The following SLC35F3 variants were observed in gnomAD, a reference collection of about 807,000 sequenced individuals.
SLC35F3 encodes putative thiamine transporter SLC35F3.
SLC35F3 carries 25 observed loss-of-function variants against 49.9 expected under a neutral mutation model. That is an observed-to-expected ratio of 0.50 (90% CI 0.37 to 0.70). The LOEUF is 0.70. Among genes scored for constraint, SLC35F3 ranks in the 30% least tolerant of loss-of-function variants. SLC35F3 has a pLI of 0.00. For missense variants in SLC35F3, 525 were observed against 639.8 expected, an observed-to-expected ratio of 0.82 and a Z score of 1.94; for synonymous variants, 275 against 265.4, an observed-to-expected ratio of 1.04 and a Z score of -0.35.
At chr1:234,199,457 G>A (rs887215968) in intron 2 of SLC35F3, among the ~76,000 whole-genome samples, 8 of 152,132 alleles carry the variant, frequency 5.3e-5, no homozygotes, top group Non-Finnish European at 1.0e-4. Context: ...GAATGAAATT[G>A]GACCTTATCT....
At chr1:234,167,344 A>T (rs975466415) in intron 2 of SLC35F3, among the ~76,000 whole-genome samples, 1 of 152,152 alleles carries the variant, frequency 6.6e-6, no homozygotes, top group African/African-American at 2.4e-5. Flanking sequence ...GGAAATGCCT[A>T]AGGCCCCACA....
chr1:234,034,738 G>A (rs1664116203), intron 2 of SLC35F3, among the ~76,000 whole-genome samples: 1 of 152,166 alleles, frequency 6.6e-6, no homozygotes, highest in Admixed American at 6.5e-5. Flanking sequence ...GGCCAGGCTA[G>A]TCTCGAACTC....
chr1:234,134,056 G>C (rs762521434), intron 2 of SLC35F3, among the ~76,000 whole-genome samples: 1 of 152,144 alleles, frequency 6.6e-6, no homozygotes, highest in African/African-American at 2.4e-5. Context: ...CATGAAAATA[G>C]CAAGATAAGT....
intron 2 of SLC35F3, among the ~76,000 whole-genome samples, chr1:234,023,489 A>C (rs1049703514): frequency 3.9e-5 from 6 of 152,218 alleles, no homozygotes; most frequent in African/African-American, 1.4e-4. Flanking sequence ...CTGATGTAAA[A>C]AATAAGTGAA....
chr1:233,991,778 T>A (rs1663358733), intron 2 of SLC35F3, among the ~76,000 whole-genome samples: 1 of 152,196 alleles, frequency 6.6e-6, no homozygotes. Context: ...GGACTAAGTT[T>A]TGCCTCCAGC....
At chr1:234,159,526 G>A (rs979085891) in intron 2 of SLC35F3, among the ~76,000 whole-genome samples, 2 of 149,500 alleles carry the variant, frequency 1.3e-5, no homozygotes, top group African/African-American at 2.5e-5. Context: ...GCAGTGAGCC[G>A]AGATCACACC....
chr1:234,308,447 G>T (rs887444068), intron 3 of SLC35F3, among the ~76,000 whole-genome samples: 2 of 151,876 alleles, frequency 1.3e-5, no homozygotes, highest in Non-Finnish European at 2.9e-5. Flanking sequence ...AACATTATGA[G>T]ATTTTTTTTT....
chr1:233,970,434 G>T (rs1662973684), intron 2 of SLC35F3, among the ~76,000 whole-genome samples: 1 of 152,176 alleles, frequency 6.6e-6, no homozygotes, highest in Non-Finnish European at 1.5e-5. Context: ...TGCCAGACTG[G>T]GTTAAGATTT....
chr1:233,970,384 A>G (rs1662973029), intron 2 of SLC35F3, among the ~76,000 whole-genome samples: 1 of 152,344 alleles, frequency 6.6e-6, no homozygotes, highest in Middle Eastern at 3.4e-3. Context: ...CCTGTGCCTG[A>G]TGCAGATAAT....
intron 2 of SLC35F3, among the ~76,000 whole-genome samples, chr1:233,966,927 T>C (rs1662914464): frequency 2.0e-5 from 3 of 152,310 alleles, no homozygotes; most frequent in Non-Finnish European, 2.9e-5. Context: ...GTGTGAGATA[T>C]TACTGGTATT....
intron 2 of SLC35F3, among the ~76,000 whole-genome samples, chr1:233,991,580 C>G (rs1271838200): frequency 6.6e-6 from 1 of 152,158 alleles, no homozygotes; most frequent in East Asian, 1.9e-4. Flanking sequence ...AAGCGATGAA[C>G]TTTGCCAGCT....
At chr1:234,171,100 G>A (rs371913163) in intron 2 of SLC35F3, among the ~76,000 whole-genome samples, 17 of 152,298 alleles carry the variant, frequency 1.1e-4, no homozygotes, top group South Asian at 8.3e-4. Flanking sequence ...GTTTGGTCCT[G>A]AAACCACCAG....
rs10495346 is a variant in SLC35F3, at chr1:234,322,728, G to T, written c.1238-280G>T. On this transcript the variant is annotated intron_variant, in intron 7 of 7. Coordinates refer to ENST00000366618, the MANE Select transcript of SLC35F3 (RefSeq NM_173508.4). ...CTCCTCAACTGCCCTTCATTCACTT[G>T]TTTTAATCACATAAATCAATGTTTG... Among the ~76,000 whole-genome samples, 16,219 of 150,996 alleles carry T rather than the reference G, an allele frequency of 0.11. 976 individuals carry two copies. The highest frequency in any genetic ancestry group is 0.15 in the African/African-American group (6,164 of 40,982).
At chr1:233,978,271 A>G (rs1213366484) in intron 2 of SLC35F3, among the ~76,000 whole-genome samples, 1 of 152,218 alleles carries the variant, frequency 6.6e-6, no homozygotes, top group African/African-American at 2.4e-5. Flanking sequence ...GCCACTATCA[A>G]TCTACATTGT....
chr1:234,285,300 G>T (rs184350165), intron 3 of SLC35F3: 1 of 473,636 alleles, frequency 2.1e-6, no homozygotes, highest in South Asian at 1.5e-5. Context: ...TGGGTCTCTT[G>T]TTGAAATCTG....
intron 2 of SLC35F3, among the ~76,000 whole-genome samples, chr1:234,015,143 C>T (rs1361321696): frequency 3.3e-5 from 5 of 152,016 alleles, no homozygotes; most frequent in East Asian, 1.9e-4. Context: ...GTCAGGAGTT[C>T]GAGACCAGCC....
intron 3 of SLC35F3, chr1:234,285,261 T>C: frequency 2.2e-6 from 1 of 444,558 alleles, no homozygotes; most frequent in South Asian, 1.6e-5. Context: ...GCTGCTCACT[T>C]CCCCCATCAA....
intron 3 of SLC35F3, among the ~76,000 whole-genome samples, chr1:234,281,334 C>G (rs749071341): frequency 6.6e-6 from 1 of 152,150 alleles, no homozygotes; most frequent in East Asian, 1.9e-4. Flanking sequence ...ACTGCCAACA[C>G]CTTGATCTCA....
chr1:233,980,324 G>T (rs554092371), intron 2 of SLC35F3, among the ~76,000 whole-genome samples: 1 of 152,340 alleles, frequency 6.6e-6, no homozygotes, highest in East Asian at 1.9e-4. Flanking sequence ...CAGTGTTGAT[G>T]ATGATGATGC....
Sources: allele counts gnomAD v4.1 joint callset (sites outside exome capture counted in the v4.1 genomes callset), GRCh38; gene constraint gnomAD v4.1.1; transcripts MANE v1.5; gene names NCBI Gene and HGNC (gene_info 2026-07-23, HGNC 2026-07-21).